ABR: variants seen among roughly 807,000 people sequenced by gnomAD.
ABR encodes active breakpoint cluster region-related protein.
ABR carries 35 observed loss-of-function variants against 107.2 expected under a neutral mutation model. The observed-to-expected ratio is 0.33, with a 90% CI of 0.25 to 0.43. ABR has a LOEUF of 0.43. ABR is among the 20% of genes least tolerant of loss of function. The pLI, the probability that ABR is intolerant of heterozygous loss-of-function variation, is 1.00. For missense variants in ABR, 815 were observed against 1,115.2 expected (o/e 0.73, Z 3.83); for synonymous variants, 498 against 462.0 (o/e 1.08, Z -1.00).
Position 1,170,687 on chromosome 17 carries a change from C to T in ABR, c.61+8980G>A, listed in dbSNP as rs569697779. Among the ~76,000 whole-genome samples the T allele has an allele frequency of 2.0e-4, 31 of 152,236 alleles. 1 individual carries two copies. In the South Asian group the frequency reaches 5.4e-3, roughly 27 times the overall value. On this transcript the variant is annotated intron_variant, in intron 1 of 22. Coordinates refer to ENST00000302538, the MANE Select transcript of ABR (RefSeq NM_021962.5). ...CTGACCTCAGGTGATCCACCCACCTCGGCCTCCCAAAGTGCTGGGATTACA... is the reference window on the plus strand; with the variant it reads ...CTGACCTCAGGTGATCCACCCACCTTGGCCTCCCAAAGTGCTGGGATTACA...
intron 9 of ABR, among the ~76,000 whole-genome samples, chr17:1,069,676 G>T (rs2035050882): frequency 1.3e-5 from 2 of 151,624 alleles, no homozygotes; most frequent in African/African-American, 4.8e-5. Flanking sequence ...TGTCTCAAAA[G>T]AAAAAAAACC....
chr17:1,159,207 G>A (rs190779797), intron 1 of ABR, among the ~76,000 whole-genome samples: 200 of 152,098 alleles, frequency 1.3e-3, no homozygotes, highest in African/African-American at 4.6e-3. Context: ...AGAAGAATGC[G>A]GTACTCACAT....
intron 4 of ABR, among the ~76,000 whole-genome samples, chr17:1,085,889 G>A (rs1182314325): frequency 2.0e-5 from 3 of 152,182 alleles, no homozygotes; most frequent in Non-Finnish European, 4.4e-5. Context: ...GCTCACAACT[G>A]TAATCCCAGC....
intron 1 of ABR, among the ~76,000 whole-genome samples, chr17:1,208,022 C>T (rs1056411766): frequency 1.3e-5 from 2 of 152,108 alleles, no homozygotes; most frequent in African/African-American, 2.4e-5. Context: ...CCACCCGCTT[C>T]GGCCTCCCAA....
intron 2 of ABR, among the ~76,000 whole-genome samples, chr17:1,106,527 CT>C (rs540643214): frequency 9.7e-4 from 100 of 102,602 alleles, no homozygotes; most frequent in African/African-American, 2.7e-3. Flanking sequence ...TTCTCACAGT[CT>C]TTTTTTTTTT....
chr17:1,215,784 G>C (rs2042990773), intron 1 of ABR, among the ~76,000 whole-genome samples: 1 of 152,168 alleles, frequency 6.6e-6, no homozygotes, highest in African/African-American at 2.4e-5. Context: ...TGCTGTGTCT[G>C]TGTAGAAAGA....
rs761885368 is a variant in ABR at position 1,070,139 on chromosome 17, G to A, written c.895-49C>T. 3.9e-5 allele frequency: 62 copies of A among 1,608,662 alleles called. No homozygotes were observed. Among genetic ancestry groups the A allele is most frequent in the Middle Eastern group, 1.8e-4 (1 of 5,484 alleles). ...AGCCTGCTCAGAGGGGAATGCGGCC[G>A]AGGGCAGAGCCTGCACACGGGGGCA... is the stretch of plus-strand genomic sequence containing the variant. On this transcript the variant is annotated intron_variant, in intron 8 of 22. Transcript: ENST00000302538. This position sits in a 1 kb window ranked among gnomAD's most constrained non-coding sequence, Gnocchi z 4.2.
intron 1 of ABR, among the ~76,000 whole-genome samples, chr17:1,205,506 A>G (rs1355954916): frequency 6.6e-6 from 1 of 152,150 alleles, no homozygotes; most frequent in Non-Finnish European, 1.5e-5. Flanking sequence ...TAGCGTTTGA[A>G]TCTTTTCTAT....
intron 2 of ABR, among the ~76,000 whole-genome samples, chr17:1,104,359 A>G (rs2038104525): frequency 6.6e-6 from 1 of 152,204 alleles, no homozygotes; most frequent in African/African-American, 2.4e-5. Flanking sequence ...TGAGAGGCTA[A>G]ATAAAGCCTC....
At chr17:1,057,837 C>T (rs554228156) in intron 12 of ABR, 133 bp downstream of exon 12, 19 of 747,312 alleles carry the variant, frequency 2.5e-5, no homozygotes, top group Admixed American at 2.2e-4. Context: ...CATCCTTAAA[C>T]GCTCACCCTG....
At chr17:1,146,721 G>C (rs376526009) in intron 1 of ABR, among the ~76,000 whole-genome samples, 1 of 144,126 alleles carries the variant, frequency 6.9e-6, no homozygotes, top group African/African-American at 2.6e-5. Context: ...TGCCACTACT[G>C]CCACCATTGC....
At chr17:1,095,440 G>A (rs1057114187) in intron 3 of ABR, among the ~76,000 whole-genome samples, 2 of 152,130 alleles carry the variant, frequency 1.3e-5, no homozygotes, top group African/African-American at 2.4e-5. Flanking sequence ...CAGGACCCTC[G>A]AGGCCGTTAT....
At chr17:1,215,107 C>A (rs911604715) in intron 1 of ABR, among the ~76,000 whole-genome samples, 7 of 151,824 alleles carry the variant, frequency 4.6e-5, no homozygotes, top group African/African-American at 1.7e-4. Flanking sequence ...GTAGTCCCAA[C>A]TACTCAGGAG....
chr17:1,060,738 A>C (rs1260511786), intron 10 of ABR, among the ~76,000 whole-genome samples: 1 of 152,156 alleles, frequency 6.6e-6, no homozygotes, highest in African/African-American at 2.4e-5. Flanking sequence ...CACACCTGTC[A>C]TCCCAGCACT....
upstream of ABR, among the ~76,000 whole-genome samples, chr17:1,188,404 T>G (rs1412478961): frequency 1.5e-4 from 22 of 146,706 alleles, no homozygotes; most frequent in African/African-American, 5.6e-4. Context: ...CAAAAAATCA[T>G]CTGGGCATGG....
At chr17:1,081,263 C>T (rs370928595) in intron 5 of ABR, among the ~76,000 whole-genome samples, 12 of 152,306 alleles carry the variant, frequency 7.9e-5, no homozygotes, top group African/African-American at 2.9e-4. Flanking sequence ...TTAATAGAGA[C>T]GGGGTTTCAC....
At chr17:1,219,065 CAG>C (rs2043066280) in intron 1 of ABR, among the ~76,000 whole-genome samples, 1 of 146,012 alleles carries the variant, frequency 6.8e-6, no homozygotes, top group East Asian at 1.9e-4. Flanking sequence ...TTGTTTGTAA[CAG>C]AGTCTCACTC....
At chr17:1,129,720 A>C (rs2039745340) in intron 1 of ABR, among the ~76,000 whole-genome samples, 1 of 152,054 alleles carries the variant, frequency 6.6e-6, no homozygotes, top group African/African-American at 2.4e-5. Context: ...AGGCCGAGGC[A>C]GGTGGATCAC....
At chr17:1,193,453 G>A (rs371167465) in intron 1 of ABR, among the ~76,000 whole-genome samples, 93 of 152,080 alleles carry the variant, frequency 6.1e-4, no homozygotes, top group African/African-American at 2.0e-3. Context: ...CACCACGCCC[G>A]CTTTACAGAA....
Sources: gnomAD v4.1 joint callset for allele counts (sites outside exome capture counted in the v4.1 genomes callset) on GRCh38, gnomAD v4.1.1 for gene constraint, Gnocchi (gnomAD v3.1) non-coding constraint, MANE v1.5 for transcripts, NCBI Gene and HGNC (gene_info 2026-07-23, HGNC 2026-07-21) for gene names.